The following CAMK1D variants were observed in gnomAD, a reference collection of about 807,000 sequenced individuals.
The protein encoded by CAMK1D is calcium/calmodulin-dependent protein kinase type 1D.
Under a neutral mutation model 47.7 loss-of-function variants are expected in CAMK1D, and 9 were observed. The observed-to-expected ratio is 0.19, with a 90% CI of 0.11 to 0.33. The LOEUF (loss-of-function observed/expected upper bound fraction) is 0.33, where lower values mean the gene tolerates loss of function less well. Ranked by LOEUF, CAMK1D falls within the 10% of genes least tolerant of loss-of-function variation. The pLI, the probability that CAMK1D is intolerant of heterozygous loss-of-function variation, is 1.00. For missense variants in CAMK1D, 291 were observed against 488.7 expected, an observed-to-expected ratio of 0.60 and a Z score of 3.81; for synonymous variants, 184 against 184.9, an observed-to-expected ratio of 0.99 and a Z score of 0.04.
chr10:12,366,669 A>T (rs1588410164), intron 1 of CAMK1D, among the ~76,000 whole-genome samples: 1 of 151,682 alleles, frequency 6.6e-6, no homozygotes, highest in Non-Finnish European at 1.5e-5. Flanking sequence ...AAAAAAAAAA[A>T]GAAGAGTCAA....
At chr10:12,759,972 A>AT (rs1836423484) in intron 3 of CAMK1D, among the ~76,000 whole-genome samples, 1 of 152,088 alleles carries the variant, frequency 6.6e-6, no homozygotes, top group Admixed American at 6.5e-5. Context: ...AGCATTTCAA[A>AT]TCTGTCTCAT....
chr10:12,805,996 G>A (rs1353399770), intron 6 of CAMK1D, among the ~76,000 whole-genome samples: 2 of 152,210 alleles, frequency 1.3e-5, no homozygotes, highest in Non-Finnish European at 2.9e-5. Flanking sequence ...CAAGGTGGGG[G>A]CCTGCCCTGG....
intron 1 of CAMK1D, among the ~76,000 whole-genome samples, chr10:12,432,945 G>A (rs1467006950): frequency 1.3e-5 from 2 of 152,216 alleles, no homozygotes; most frequent in African/African-American, 2.4e-5. Context: ...CAAGGTCCCC[G>A]GGATTAGAGT....
At chr10:12,565,357 G>C (rs908016303) in intron 2 of CAMK1D, among the ~76,000 whole-genome samples, 11 of 152,290 alleles carry the variant, frequency 7.2e-5, no homozygotes, top group Middle Eastern at 3.4e-3. Flanking sequence ...TCAAGCAATT[G>C]ATTCTCCTGC....
At chr10:12,401,807 G>C (rs968298384) in intron 1 of CAMK1D, among the ~76,000 whole-genome samples, 1 of 151,868 alleles carries the variant, frequency 6.6e-6, no homozygotes, top group Admixed American at 6.6e-5. Context: ...AAGACGGTCT[G>C]TTTTGGCATT....
chr10:12,709,410 G>A (rs747476932), intron 3 of CAMK1D, among the ~76,000 whole-genome samples: 8 of 151,868 alleles, frequency 5.3e-5, no homozygotes, highest in South Asian at 2.1e-4. Context: ...AAACAAACTC[G>A]CAAATGGAAA....
intron 2 of CAMK1D, among the ~76,000 whole-genome samples, chr10:12,647,530 T>C (rs189371502): frequency 6.6e-6 from 1 of 152,346 alleles, no homozygotes; most frequent in African/African-American, 2.4e-5. Context: ...AGAAAAGCAG[T>C]TGTTGTAAAT....
chr10:12,622,721 C>T (rs1042287746), intron 2 of CAMK1D, among the ~76,000 whole-genome samples: 4 of 152,064 alleles, frequency 2.6e-5, no homozygotes, highest in South Asian at 2.1e-4. Flanking sequence ...TGCCCTGGAG[C>T]GGCCCGGGAG....
intron 1 of CAMK1D, among the ~76,000 whole-genome samples, chr10:12,461,246 C>T (rs1446759045): frequency 2.0e-5 from 3 of 152,176 alleles, no homozygotes; most frequent in South Asian, 2.1e-4. Flanking sequence ...ATACATGTTC[C>T]GTGCTCTGCG....
chr10:12,564,729 A>G (rs183323426), intron 2 of CAMK1D, among the ~76,000 whole-genome samples: 2 of 152,294 alleles, frequency 1.3e-5, no homozygotes, highest in African/African-American at 4.8e-5. Flanking sequence ...TATGATATGG[A>G]TAAGTAGGAG....
intron 5 of CAMK1D, among the ~76,000 whole-genome samples, chr10:12,783,072 A>G (rs541398924): frequency 6.7e-5 from 10 of 149,144 alleles, no homozygotes; most frequent in South Asian, 2.1e-4. Context: ...GGCTCACTGC[A>G]ACCTCCACCT....
At chr10:12,734,341 AAAAAATAT>A (rs1835036132) in intron 3 of CAMK1D, among the ~76,000 whole-genome samples, 10 of 27,370 alleles carry the variant, frequency 3.7e-4, no homozygotes, top group East Asian at 8.5e-4. Context: ...AAAAAAAAAA[AAAAAATAT>A]ATATATATAT....
At chr10:12,524,879 G>A (rs1026081751) in intron 1 of CAMK1D, among the ~76,000 whole-genome samples, 1 of 152,086 alleles carries the variant, frequency 6.6e-6, no homozygotes, top group Admixed American at 6.5e-5. Context: ...TCCACCTGAA[G>A]CATTTCCTTT....
At chr10:12,817,154 C>T (rs1170817298) in intron 8 of CAMK1D, among the ~76,000 whole-genome samples, 2 of 152,190 alleles carry the variant, frequency 1.3e-5, no homozygotes, top group East Asian at 3.9e-4. Context: ...AATTACCTCC[C>T]ACCAGGTCCC....
chr10:12,625,483 C>T (rs1369420503), intron 2 of CAMK1D, among the ~76,000 whole-genome samples: 1 of 150,646 alleles, frequency 6.6e-6, no homozygotes, highest in Non-Finnish European at 1.5e-5. Context: ...TACAGGCATG[C>T]ACCACCACGC....
intron 1 of CAMK1D, among the ~76,000 whole-genome samples, chr10:12,471,017 T>A (rs536665615): frequency 3.3e-5 from 5 of 152,340 alleles, no homozygotes; most frequent in African/African-American, 1.2e-4. Flanking sequence ...CTTCCCCTCT[T>A]TCTTTTTTGC....
chr10:12,378,359 C>T (rs1588422568), intron 1 of CAMK1D, among the ~76,000 whole-genome samples: 3 of 152,210 alleles, frequency 2.0e-5, no homozygotes, highest in South Asian at 2.1e-4. Context: ...TGATCTCCCT[C>T]CTCAGCCTCC....
At chr10:12,596,954 A>G (rs1278602130) in intron 2 of CAMK1D, among the ~76,000 whole-genome samples, 2 of 151,818 alleles carry the variant, frequency 1.3e-5, no homozygotes, top group Non-Finnish European at 2.9e-5. Context: ...TGCTTTGAAC[A>G]CTCTAGTGAA....
intron 1 of CAMK1D, among the ~76,000 whole-genome samples, chr10:12,407,190 C>T (rs890523861): frequency 2.0e-5 from 3 of 152,252 alleles, no homozygotes; most frequent in Admixed American, 1.3e-4. Context: ...CTCTCCATGA[C>T]TTCTTTCAGT....
Sources: gnomAD v4.1 joint callset for allele counts (sites outside exome capture counted in the v4.1 genomes callset) on GRCh38, gnomAD v4.1.1 for gene constraint, MANE v1.5 for transcripts, NCBI Gene and HGNC (gene_info 2026-07-23, HGNC 2026-07-21) for gene names.